PDE1C: variants seen among roughly 807,000 people sequenced by gnomAD.
PDE1C encodes phosphodiesterase 1C.
A neutral mutation model predicts 93.1 loss-of-function variants in PDE1C; 62 were observed. The observed-to-expected ratio is 0.67, with a 90% CI of 0.54 to 0.82. The LOEUF (loss-of-function observed/expected upper bound fraction) is 0.82, where lower values mean the gene tolerates loss of function less well. Among genes scored for constraint, PDE1C ranks in the 40% least tolerant of loss-of-function variants. PDE1C has a pLI of 0.00. For missense variants in PDE1C, 742 were observed against 884.6 expected, an observed-to-expected ratio of 0.84 and a Z score of 2.04; for synonymous variants, 325 against 310.1, an observed-to-expected ratio of 1.05 and a Z score of -0.50.
chr7:32,404,796 A>G (rs79551091), intron 1 of PDE1C, among the ~76,000 whole-genome samples: 6 of 152,234 alleles, frequency 3.9e-5, no homozygotes, highest in Non-Finnish European at 5.9e-5. Flanking sequence ...ACAGCCTCCA[A>G]TTGAAACACT....
chr7:31,643,276 C>T, the PDE1C span: 292 of 1,613,822 alleles, frequency 1.8e-4, 2 homozygotes, highest in South Asian at 3.2e-3. Context: ...CTTACTCGTA[C>T]CAGAAAGCTC....
At chr7:31,868,468 T>C (rs1248973826) in intron 6 of PDE1C, among the ~76,000 whole-genome samples, 1 of 151,996 alleles carries the variant, frequency 6.6e-6, no homozygotes, top group Non-Finnish European at 1.5e-5. Context: ...AGTTCAGAAC[T>C]AGAAGACAGG....
intron 1 of PDE1C, among the ~76,000 whole-genome samples, chr7:32,375,496 A>G: frequency 6.6e-6 from 1 of 152,220 alleles, no homozygotes; most frequent in East Asian, 1.9e-4. Context: ...TTGATTTTCC[A>G]AATTTACAGG....
chr7:31,884,904 A>T (rs1167573229), intron 2 of PDE1C, among the ~76,000 whole-genome samples: 1 of 152,234 alleles, frequency 6.6e-6, no homozygotes, highest in African/African-American at 2.4e-5. Context: ...AAAATTAGCC[A>T]GGATCTTTCA....
the PDE1C span, among the ~76,000 whole-genome samples, chr7:31,715,004 C>T: frequency 6.6e-6 from 1 of 152,092 alleles, no homozygotes; most frequent in African/African-American, 2.4e-5. Flanking sequence ...TTATAAGATG[C>T]TGGATTATCA....
At chr7:32,027,591 A>AC (rs1016959186) in intron 2 of PDE1C, among the ~76,000 whole-genome samples, 5 of 139,148 alleles carry the variant, frequency 3.6e-5, no homozygotes, top group African/African-American at 1.3e-4. Flanking sequence ...GAAAAAAAAA[A>AC]AACTATCAAA....
intron 2 of PDE1C, among the ~76,000 whole-genome samples, chr7:32,013,691 C>T (rs1248469747): frequency 2.6e-5 from 4 of 152,166 alleles, no homozygotes; most frequent in Non-Finnish European, 5.9e-5. Context: ...TATAAGCACG[C>T]CAGGGCAAAT....
chr7:31,829,405 T>C (rs890747483), intron 11 of PDE1C, among the ~76,000 whole-genome samples: 1 of 152,172 alleles, frequency 6.6e-6, no homozygotes, highest in African/African-American at 2.4e-5. Flanking sequence ...AAACCTTTAG[T>C]GAATTTGTTC....
At chr7:31,799,529 A>C (rs752302385) in intron 16 of PDE1C, among the ~76,000 whole-genome samples, 27 of 151,732 alleles carry the variant, frequency 1.8e-4, no homozygotes, top group Admixed American at 3.3e-4. Flanking sequence ...CTCCATTTCA[A>C]ACTAACTTGT....
At position 31,752,437 on chromosome 7, in the gene PDE1C, T is replaced by C. The variant is rs545618766; in HGVS notation, c.*947A>G. On this transcript the variant is annotated 3_prime_UTR_variant, in exon 18 of 18. Coordinates refer to ENST00000396191, the MANE Select transcript of PDE1C (RefSeq NM_001191057.4). ...CGTGCTGTGAAGAGGATCTGAAATGTAACTTAAAGGCATCTCTAGCCTAGT... is the reference window on the plus strand; with the variant it reads ...CGTGCTGTGAAGAGGATCTGAAATGCAACTTAAAGGCATCTCTAGCCTAGT... 4 of 152,216 alleles carry C rather than the reference T, an allele frequency of 2.6e-5. No individual in the cohort carries two copies. In the South Asian group the frequency reaches 6.2e-4, roughly 24 times the overall value. The allele number at this position is 152,216 out of a possible 1,614,324, so 9.4% of individuals were successfully genotyped here. A position where few individuals can be genotyped will look rare whatever the true frequency, so the allele number is the denominator to read the frequency against.
chr7:32,175,880 T>C (rs147896256), intron 2 of PDE1C, among the ~76,000 whole-genome samples: 3 of 152,306 alleles, frequency 2.0e-5, no homozygotes, highest in African/African-American at 7.2e-5. Context: ...GAAATGTAAA[T>C]TGTGTCCCAT....
intron 3 of PDE1C, among the ~76,000 whole-genome samples, chr7:32,166,618 G>A (rs1802292065): frequency 6.6e-6 from 1 of 152,134 alleles, no homozygotes. Context: ...CAACCCCTAG[G>A]GAAGAAAGGT....
chr7:31,910,502 G>A (rs1016639160), intron 2 of PDE1C, among the ~76,000 whole-genome samples: 20 of 152,252 alleles, frequency 1.3e-4, no homozygotes, highest in African/African-American at 4.8e-4. Context: ...CTCCAGCTTT[G>A]ACCAAATAAA....
the PDE1C span, among the ~76,000 whole-genome samples, chr7:31,701,064 G>T: frequency 6.6e-6 from 1 of 152,162 alleles, no homozygotes; most frequent in African/African-American, 2.4e-5. Context: ...CGACTTGCAA[G>T]TCTTGTTACT....
intron 2 of PDE1C, among the ~76,000 whole-genome samples, chr7:32,170,810 G>C (rs1802597803): frequency 6.7e-6 from 1 of 149,092 alleles, no homozygotes; most frequent in Non-Finnish European, 1.5e-5. Context: ...CCTTCCAGGG[G>C]TGTGCTTTTA....
chr7:32,311,320 G>C (rs1359551294), intron 1 of PDE1C, among the ~76,000 whole-genome samples: 1 of 152,158 alleles, frequency 6.6e-6, no homozygotes, highest in Non-Finnish European at 1.5e-5. Flanking sequence ...AATTCTACCA[G>C]AGGTACAAGG....
At chr7:31,761,199 C>A (rs1794815482) in intron 17 of PDE1C, among the ~76,000 whole-genome samples, 1 of 120,302 alleles carries the variant, frequency 8.3e-6, no homozygotes, top group African/African-American at 3.2e-5. Context: ...TCCTCCTATC[C>A]TCCCATATCT....
In PDE1C at chr7:31,816,130, T is replaced by G; in HGVS notation, c.1607A>C (p.Glu536Ala). The G allele has an allele frequency of 6.2e-7, 1 of 1,613,920 alleles. No individual in the cohort carries two copies. The highest frequency in any genetic ancestry group is 8.5e-7 in the Non-Finnish European group (1 of 1,179,918). ...PKEEKAKKEA[E>A]EKARLAAEEQ... is the part of the protein sequence containing the mutation. ...CTCTGCGGCCAGGCGAGCCTTTTCCTCTGCTTCCTTCTTGGCCTTCTCCTC... is the reference window on the plus strand; with the variant it reads ...CTCTGCGGCCAGGCGAGCCTTTTCCGCTGCTTCCTTCTTGGCCTTCTCCTC... Residue 536 changes from glutamate (E) to alanine (A), a missense_variant, in exon 15 of 18, where the codon GAG becomes GCG. Physicochemically the swap from Glu to Ala is moderately radical, Grantham distance 107. Around this residue, in one of 4 missense-constraint regions of PDE1C, gnomAD observed 454 missense variants for 459.4 expected, o/e 0.99. Transcript: ENST00000396191.
At chr7:31,708,845 T>C in the PDE1C span, among the ~76,000 whole-genome samples, 1 of 152,200 alleles carries the variant, frequency 6.6e-6, no homozygotes, top group South Asian at 2.1e-4. Flanking sequence ...AAGACGCATG[T>C]TGTAATCCTA....
Sources: gnomAD v4.1 joint callset for allele counts (sites outside exome capture counted in the v4.1 genomes callset) on GRCh38, gnomAD v4.1.1 for gene constraint, gnomAD v4.1.1 regional missense constraint, MANE v1.5 for transcripts, NCBI Gene and HGNC (gene_info 2026-07-23, HGNC 2026-07-21) for gene names.